The following CIT variants were observed in gnomAD, a reference collection of about 807,000 sequenced individuals.
The protein encoded by CIT is citron Rho-interacting kinase.
In CIT, 79 loss-of-function variants were observed where a neutral mutation model predicts 272.7. The ratio of observed to expected loss-of-function variants is 0.29; its 90% CI spans 0.24 to 0.35. The LOEUF (loss-of-function observed/expected upper bound fraction) is 0.35. Among genes scored for constraint, CIT ranks in the 10% least tolerant of loss-of-function variants. CIT has a pLI of 1.00. For missense variants in CIT, 1,909 were observed against 2,618.3 expected, an observed-to-expected ratio of 0.73 and a Z score of 5.91; for synonymous variants, 948 against 995.6, an observed-to-expected ratio of 0.95 and a Z score of 0.90.
At position 119,809,858 on chromosome 12, in the gene CIT, C is replaced by A. The variant is rs889373689; in HGVS notation, c.1112-6469G>T. Among the ~76,000 whole-genome samples, 10 of 152,306 alleles carry A rather than the reference C, an allele frequency of 6.6e-5. No homozygotes were observed. The East Asian group carries it at 1.9e-3, about 29-fold the overall frequency. ...CTACATGGTTGTTGATCATGCCTAT[C>A]CAATGGCGTCTCCATGAAAGGTCCC... On this transcript the variant is annotated intron_variant, in intron 9 of 47. Transcript: ENST00000392521.
chr12:119,687,435 C>T lies in CIT; in HGVS notation c.*797G>A, dbSNP rs10774512. The stretch of plus-strand genomic sequence containing the variant: ...CGGGAACAGCAGGCTGGGGAGATGA[C>T]GCTGGGGGGTGGGGAAGGAAAGCGT... On this transcript the variant is annotated 3_prime_UTR_variant, in exon 48 of 48. Transcript: ENST00000392521. 0.15 allele frequency: 22,986 copies of T among 152,532 alleles called. 2,042 individuals carry two copies. The highest frequency in any genetic ancestry group is 0.42 in the East Asian group (2,157 of 5,144). 9.4% of individuals were successfully genotyped at this position (152,532 alleles called of 1,614,324 possible).
At chr12:119,782,295 G>T in intron 13 of CIT, 1 of 415,754 alleles carries the variant, frequency 2.4e-6, no homozygotes, top group Non-Finnish European at 4.3e-6. Flanking sequence ...AGACATTATG[G>T]GGTATCAGCT....
chr12:119,833,051 G>C (rs1968754938), intron 6 of CIT, among the ~76,000 whole-genome samples, 187 bp from the exon 7 acceptor site: 1 of 151,854 alleles, frequency 6.6e-6, no homozygotes, highest in Non-Finnish European at 1.5e-5. Flanking sequence ...AAGGAAGGAA[G>C]GAGAGAGAGA....
chr12:119,780,938 C>CAACATACACCTTTTCAAAACATA (rs1221402502), intron 13 of CIT, among the ~76,000 whole-genome samples: 1 of 152,170 alleles, frequency 6.6e-6, no homozygotes, highest in Non-Finnish European at 1.5e-5. Flanking sequence ...TTGAACTCGG[C>CAACATACACCTTTTCAAAACATA]CACCAACATA....
chr12:119,823,916 C>T (rs1340196872), intron 8 of CIT, among the ~76,000 whole-genome samples: 1 of 150,640 alleles, frequency 6.6e-6, no homozygotes, highest in Admixed American at 6.6e-5. Context: ...GGTGGGCACC[C>T]GTGATCCCAG....
chr12:119,738,038 T>G (rs557433595), intron 24 of CIT, among the ~76,000 whole-genome samples: 1 of 152,320 alleles, frequency 6.6e-6, no homozygotes, highest in African/African-American at 2.4e-5. Flanking sequence ...TACTGTCCTT[T>G]GAAGTAGGTA....
intron 17 of CIT, among the ~76,000 whole-genome samples, 158 bp downstream of exon 17, chr12:119,772,612 G>C (rs1314071899): frequency 1.3e-5 from 2 of 152,180 alleles, no homozygotes; most frequent in East Asian, 1.9e-4. Flanking sequence ...CTTTCCCCTG[G>C]GGGGAAATGA....
intron 2 of CIT, among the ~76,000 whole-genome samples, chr12:119,872,860 A>G (rs1321914732): frequency 6.6e-6 from 1 of 152,158 alleles, no homozygotes; most frequent in Non-Finnish European, 1.5e-5. Flanking sequence ...GCAGTGTTGC[A>G]ATCTCAACTC....
chr12:119,688,457 G>C (rs1955707043), intron 47 of CIT, among the ~76,000 whole-genome samples: 1 of 152,266 alleles, frequency 6.6e-6, no homozygotes, highest in African/African-American at 2.4e-5. Context: ...AGCCGTGTGT[G>C]TACCTGCGAT....
Position 119,713,793 on chromosome 12 carries a change from C to T in CIT, c.4307-145G>A. 1 of 812,186 alleles carries T rather than the reference C, an allele frequency of 1.2e-6. No homozygotes were observed. The highest frequency in any genetic ancestry group is 2.0e-6 in the Non-Finnish European group (1 of 501,912). The allele number at this position is 812,186 out of a possible 1,614,324, so 50.3% of individuals were successfully genotyped here. ...GCTTGCAGGTAGTCTCCTGAGCTTC[C>T]CCTGGTGCCAGGCCCCTGCAGAAAG... On this transcript the variant is annotated intron_variant, in intron 33 of 47. Coordinates refer to ENST00000392521, the MANE Select transcript of CIT (RefSeq NM_001206999.2). The surrounding 1 kb of genome is among the most constrained non-coding windows in gnomAD (Gnocchi z 5.2).
intron 21 of CIT, among the ~76,000 whole-genome samples, chr12:119,758,306 A>C (rs769246143): frequency 1.3e-5 from 2 of 152,240 alleles, no homozygotes; most frequent in Non-Finnish European, 2.9e-5. Context: ...TCTAGGGAAC[A>C]AGAACTGCAG....
At chr12:119,850,437 GGGAAAGGGAA>G (rs1268834282) in intron 4 of CIT, among the ~76,000 whole-genome samples, 162 bp from the exon 5 acceptor site, 12 of 145,224 alleles carry the variant, frequency 8.3e-5, no homozygotes, top group Admixed American at 7.7e-4. Flanking sequence ...AGGAAGAAGA[GGGAAAGGGAA>G]GGAAAGGGAA....
chr12:119,704,868 G>C (rs1317756318), intron 40 of CIT, among the ~76,000 whole-genome samples: 1 of 152,198 alleles, frequency 6.6e-6, no homozygotes, highest in African/African-American at 2.4e-5. Flanking sequence ...GACAGAATGA[G>C]GGAAGGGAGA....
chr12:119,845,838 T>TACTCGGGAGGCTGAGGCAGGAGA (rs1969763227), intron 5 of CIT, among the ~76,000 whole-genome samples: 1 of 147,298 alleles, frequency 6.8e-6, no homozygotes, highest in Admixed American at 6.8e-5. Context: ...TAATCCCAAC[T>TACTCGGGAGGCTGAGGCAGGAGA]ACTCGGGAGG....
rs768967713 is a variant in CIT at position 119,718,310 on chromosome 12, T to C, written c.4103A>G (p.Gln1368Arg). The C allele has an allele frequency of 9.9e-6, 16 of 1,613,900 alleles. No homozygotes were observed. Among genetic ancestry groups the C allele is most frequent in the Non-Finnish European group, 1.4e-5 (16 of 1,179,978 alleles). Residue 1368 changes from glutamine to arginine, a missense_variant, in exon 32 of 48, where the codon CAG (glutamine) becomes CGG (arginine). This residue lies in a region of CIT where 780 missense variants were observed against 1,067.2 expected (regional missense o/e 0.73). Transcript: ENST00000392521. The surrounding 1 kb of genome is among the most constrained non-coding windows in gnomAD (Gnocchi z 4.8). ...MSAIVRSPEHQPSAMSLLAPP... is the reference protein window; with the variant it reads ...MSAIVRSPEHRPSAMSLLAPP... Reference sequence around the variant, plus strand: ...GGCCAGCAGGCTCATGGCACTGGGCTGGTGCTCTGGCGACCGCACGATGGC... The same window carrying C: ...GGCCAGCAGGCTCATGGCACTGGGCCGGTGCTCTGGCGACCGCACGATGGC...
intron 3 of CIT, among the ~76,000 whole-genome samples, chr12:119,863,639 G>A (rs550765617): frequency 6.6e-6 from 1 of 151,988 alleles, no homozygotes; most frequent in East Asian, 1.9e-4. Context: ...CAATTCTCCT[G>A]CCTCAGCCTC....
intron 22 of CIT, among the ~76,000 whole-genome samples, chr12:119,753,514 A>G (rs1324146208): frequency 6.6e-6 from 1 of 152,134 alleles, no homozygotes; most frequent in Non-Finnish European, 1.5e-5. Flanking sequence ...AGGTGGGCAG[A>G]TCACGAGGTC....
chr12:119,796,542 C>T (rs1233523834), intron 10 of CIT, among the ~76,000 whole-genome samples: 1 of 152,158 alleles, frequency 6.6e-6, no homozygotes, highest in Non-Finnish European at 1.5e-5. Flanking sequence ...CCAAAACTAG[C>T]ACCTAGTGGC....
intron 15 of CIT, 58 bp downstream of exon 15, chr12:119,776,300 C>CAGTATTGGGTAG (rs1963738978): frequency 6.1e-6 from 8 of 1,310,038 alleles, no homozygotes; most frequent in Middle Eastern, 1.8e-4. Context: ...CTGATAATAA[C>CAGTATTGGGTAG]ATGAAAAAAG....
Sources: gnomAD v4.1 joint callset for allele counts (sites outside exome capture counted in the v4.1 genomes callset) on GRCh38, gnomAD v4.1.1 for gene constraint, gnomAD v4.1.1 regional missense constraint, Gnocchi (gnomAD v3.1) non-coding constraint, MANE v1.5 for transcripts, NCBI Gene and HGNC (gene_info 2026-07-23, HGNC 2026-07-21) for gene names.